Variants in TTC34 observed in about 807,000 individuals in gnomAD.
TTC34 encodes the protein tetratricopeptide repeat protein 34.
Under a neutral mutation model 40.7 loss-of-function variants are expected in TTC34, and 44 were observed. That is an observed-to-expected ratio of 1.08 (90% CI 0.85 to 1.39). The LOEUF (loss-of-function observed/expected upper bound fraction) is 1.39. TTC34 is among the 40% of genes most tolerant of loss of function. The pLI is 0.00. For missense variants in TTC34, 884 were observed against 838.0 expected, an observed-to-expected ratio of 1.05 and a Z score of -0.68; for synonymous variants, 422 against 398.6, an observed-to-expected ratio of 1.06 and a Z score of -0.70.
intron 6 of TTC34, among the ~76,000 whole-genome samples, chr1:2,695,149 C>A (rs1640804042): frequency 1.0e-5 from 1 of 99,104 alleles, no homozygotes; most frequent in East Asian, 3.0e-4. Context: ...GAACAGCACC[C>A]TGCACCCCCA....
intron 2 of TTC34, among the ~76,000 whole-genome samples, 191 bp from the exon 3 acceptor site, chr1:2,790,537 A>T (rs1018304518): frequency 1.3e-5 from 2 of 152,122 alleles, no homozygotes; most frequent in Non-Finnish European, 2.9e-5. Flanking sequence ...AGGAGGCCCG[A>T]CGCCCATGAG....
intron 6 of TTC34, among the ~76,000 whole-genome samples, chr1:2,685,835 C>T (rs796339254): frequency 2.1e-5 from 1 of 47,218 alleles, no homozygotes; most frequent in Admixed American, 2.2e-4. Context: ...AACGGCACCC[C>T]CATGCCCAGG....
intron 6 of TTC34, among the ~76,000 whole-genome samples, chr1:2,751,424 A>G (rs1641315341): frequency 1.5e-5 from 2 of 133,204 alleles, no homozygotes; most frequent in Admixed American, 7.6e-5. Context: ...TGGGCATCTG[A>G]CAGCCTGGAA....
At chr1:2,784,325 G>A (rs1460527533) in intron 5 of TTC34, among the ~76,000 whole-genome samples, 1 of 152,064 alleles carries the variant, frequency 6.6e-6, no homozygotes, top group African/African-American at 2.4e-5. Context: ...TCCTTCTACC[G>A]CTATCTACTA....
Position 2,686,532 on chromosome 1 carries a change from G to A in TTC34, c.2227-40969C>T, listed in dbSNP as rs1183064640. The stretch of plus-strand genomic sequence containing the variant: ...AACAGCACCCTGCACCCCCAGGGGA[G>A]CATCTGACAGCCTGGAACAGCACGC... On this transcript the variant is annotated intron_variant, in intron 6 of 8. Coordinates refer to ENST00000401095, the Ensembl canonical transcript of TTC34. 1.6e-5 allele frequency among the ~76,000 whole-genome samples: 2 copies of A among 128,020 alleles called. 1 individual carries two copies. Among genetic ancestry groups the A allele is most frequent in the African/African-American group, 6.7e-5 (2 of 29,644 alleles). The allele number at this position is 128,020 out of a possible 152,430, so 84.0% of individuals were successfully genotyped here.
chr1:2,653,244 C>G (rs59832729), intron 6 of TTC34, among the ~76,000 whole-genome samples: 609 of 138,598 alleles, frequency 4.4e-3, no homozygotes, highest in African/African-American at 0.016. Context: ...ACAGCACCCA[C>G]ATGCCCAGGT....
At chr1:2,686,244 C>G (rs541209448) in intron 6 of TTC34, among the ~76,000 whole-genome samples, 1 of 146,926 alleles carries the variant, frequency 6.8e-6, no homozygotes, top group Admixed American at 6.7e-5. Flanking sequence ...CCCACACCCC[C>G]AGGTGAGCAT....
rs952421371 is a variant in TTC34, at chr1:2,781,617, ACTTTT to A, written c.2226+1987_2226+1991del. Among the ~76,000 whole-genome samples, 6 of 151,942 alleles carry A rather than the reference ACTTTT, an allele frequency of 3.9e-5. 1 individual carries two copies. The South Asian group carries it at 6.2e-4, about 16-fold the overall frequency. On this transcript the variant is annotated intron_variant, in intron 6 of 8. Transcript: ENST00000401095. ...CCTTGTTCCTGATCTTAGAGGAAAA[ACTTTT>A]CTTTTTCATCATTGAGTATGATGTT...
At chr1:2,691,060 A>C (rs1441681741) in intron 6 of TTC34, among the ~76,000 whole-genome samples, 13 of 62,854 alleles carry the variant, frequency 2.1e-4, no homozygotes, top group African/African-American at 4.8e-4. Context: ...AGCACCCACA[A>C]ACCCAGGTGA....
chr1:2,768,023 A>C (rs1465431560), intron 6 of TTC34, among the ~76,000 whole-genome samples: 2 of 150,406 alleles, frequency 1.3e-5, no homozygotes, highest in Non-Finnish European at 3.0e-5. Flanking sequence ...AGCATCTGAC[A>C]GCATAAAACA....
rs548407079 is a variant in TTC34 at position 2,691,886 on chromosome 1, C to A, written c.2227-46323G>T. Among the ~76,000 whole-genome samples, 18 of 59,224 alleles carry A rather than the reference C, an allele frequency of 3.0e-4. 4 individuals carry two copies. The highest frequency in any genetic ancestry group is 8.8e-4 in the African/African-American group (18 of 20,440). 38.9% of individuals were successfully genotyped at this position (59,224 alleles called of 152,430 possible). On this transcript the variant is annotated intron_variant, in intron 6 of 8. Transcript: ENST00000401095. ...CACCCAGAGGTGAGCATCCGACAGC[C>A]AGGAGCAGCAACCTGCACACCCAGG... is the stretch of plus-strand genomic sequence containing the variant.
exon 3 of TTC34, chr1:2,790,113 G>A (rs1412942656): frequency 7.5e-6 from 3 of 398,128 alleles, no homozygotes; most frequent in East Asian, 3.6e-5. Flanking sequence ...CGGAGCTCAG[G>A]GTGGTTCCGC....
chr1:2,652,961 C>A (rs1408227490), intron 6 of TTC34, among the ~76,000 whole-genome samples: 28 of 148,204 alleles, frequency 1.9e-4, no homozygotes, highest in African/African-American at 7.0e-4. Context: ...GGAGCAGTGC[C>A]CACACCCCCA....
At position 2,645,293 on chromosome 1, in the gene TTC34, C is replaced by G. The variant is rs1638997064; in HGVS notation, c.2497G>C (p.Gly833Arg). 1 of 1,486,106 alleles carries G rather than the reference C, an allele frequency of 6.7e-7. No homozygotes were observed. Among genetic ancestry groups the G allele is most frequent in the Admixed American group, 2.2e-5 (1 of 45,292 alleles). 92.1% of individuals were successfully genotyped at this position (1,486,106 alleles called of 1,614,324 possible). Residue 833 changes from glycine (G) to arginine (R), a missense_variant and splice_region_variant, in exon 7 of 9, where the codon GGC (glycine) becomes CGC (arginine). Physicochemically the swap from Gly to Arg is moderately radical, Grantham distance 125. Coordinates refer to ENST00000401095, the Ensembl canonical transcript of TTC34. The surrounding 1 kb of genome is among the most constrained non-coding windows in gnomAD (Gnocchi z 4.7). ...TTCCCACCTTGGGGCCGCCGCATAC[C>G]CTGTGCCATGAGAATGTCTGCCAGG...
At chr1:2,797,401 C>T (rs1643719114) in intron 2 of TTC34, among the ~76,000 whole-genome samples, 1 of 152,152 alleles carries the variant, frequency 6.6e-6, no homozygotes, top group South Asian at 2.1e-4. Context: ...CCTCGTGGCC[C>T]CACTTCCTGC....
At chr1:2,676,938 G>A (rs377570435) in intron 6 of TTC34, among the ~76,000 whole-genome samples, 1 of 149,034 alleles carries the variant, frequency 6.7e-6, no homozygotes, top group African/African-American at 2.5e-5. Flanking sequence ...CCCCAGGTGA[G>A]CATCTGACAG....
rs1641324387 is a variant in TTC34 at position 2,751,653 on chromosome 1, G to T, written c.2226+31956C>A. ...GCCTGGAACAGCACCCACACCCCCA[G>T]TTGAGCATTGGACAGCCTGGATCAG... On this transcript the variant is annotated intron_variant, in intron 6 of 8. Coordinates refer to ENST00000401095, the Ensembl canonical transcript of TTC34. Among the ~76,000 whole-genome samples, 4 of 129,180 alleles carry T rather than the reference G, an allele frequency of 3.1e-5. 1 individual carries two copies. The highest frequency in any genetic ancestry group is 1.3e-4 in the African/African-American group (4 of 31,270). 84.7% of individuals were successfully genotyped at this position (129,180 alleles called of 152,430 possible). A position where few individuals can be genotyped will look rare whatever the true frequency, so the allele number is the denominator to read the frequency against.
At chr1:2,794,162 G>GT (rs1643691187) in intron 2 of TTC34, among the ~76,000 whole-genome samples, 1 of 151,938 alleles carries the variant, frequency 6.6e-6, no homozygotes, top group African/African-American at 2.4e-5. Context: ...GCCTGGATAA[G>GT]TTTTTTTGTA....
At chr1:2,800,987 G>C in intron 1 of TTC34, 119 bp from the exon 2 acceptor site, 1 of 397,844 alleles carries the variant, frequency 2.5e-6, no homozygotes, top group Non-Finnish European at 4.4e-6. Flanking sequence ...GGTCAGTGCA[G>C]ACCCCACTGG....
Sources: gnomAD v4.1 joint callset for allele counts (sites outside exome capture counted in the v4.1 genomes callset) on GRCh38, gnomAD v4.1.1 for gene constraint, Gnocchi (gnomAD v3.1) non-coding constraint, MANE v1.5 for transcripts, NCBI Gene and HGNC (gene_info 2026-07-23, HGNC 2026-07-21) for gene names.